PDZD2: variants seen among roughly 807,000 people sequenced by gnomAD.
PDZD2 encodes PDZ domain containing 2, also known as PDZ domain-containing protein 2.
A neutral mutation model predicts 220.7 loss-of-function variants in PDZD2; 90 were observed. The ratio of observed to expected loss-of-function variants is 0.41; its 90% CI spans 0.34 to 0.49. The LOEUF (loss-of-function observed/expected upper bound fraction) is 0.49. PDZD2 is among the 20% of genes least tolerant of loss of function. PDZD2 has a pLI of 0.28. For missense variants in PDZD2, 3,174 were observed against 3,608.5 expected (o/e 0.88, Z 3.08); for synonymous variants, 1,375 against 1,450.5 (o/e 0.95, Z 1.18).
Position 32,098,645 on chromosome 5 carries a change from C to A in PDZD2, c.8218+11C>A. 6.2e-7 allele frequency: 1 copy of A among 1,606,632 alleles called. No homozygotes were observed. Among genetic ancestry groups the A allele is most frequent in the South Asian group, 1.1e-5 (1 of 90,342 alleles). On this transcript the variant is annotated intron_variant, in intron 23 of 24. Coordinates refer to ENST00000438447, the MANE Select transcript of PDZD2 (RefSeq NM_178140.4). The surrounding 1 kb of genome is among the most constrained non-coding windows in gnomAD (Gnocchi z 4.1). ...TGGAGCCTGGCATTGGTAAGATGAT[C>A]ATTTCAACAACCAGCAGGCTGTGAG... is the stretch of plus-strand genomic sequence containing the variant.
At chr5:31,779,058 C>A (rs377205713) in intron 1 of PDZD2, among the ~76,000 whole-genome samples, 13 of 152,080 alleles carry the variant, frequency 8.5e-5, no homozygotes, top group African/African-American at 2.7e-4. Context: ...CTCTCTCTTG[C>A]TTAAAAAAAA....
chr5:31,873,582 A>T (rs939058832), intron 2 of PDZD2, among the ~76,000 whole-genome samples: 1 of 122,524 alleles, frequency 8.2e-6, no homozygotes, highest in Admixed American at 8.2e-5. Context: ...TATTTATTTA[A>T]TAAAGCCAGG....
At chr5:31,867,757 C>T (rs1738361673) in intron 2 of PDZD2, among the ~76,000 whole-genome samples, 2 of 152,054 alleles carry the variant, frequency 1.3e-5, no homozygotes, top group Admixed American at 6.6e-5. Flanking sequence ...ATCCTAGTTA[C>T]TGAGTGTTCC....
intron 2 of PDZD2, among the ~76,000 whole-genome samples, chr5:31,982,238 C>T (rs529014388): frequency 6.6e-6 from 1 of 152,364 alleles, no homozygotes; most frequent in Non-Finnish European, 1.5e-5. Flanking sequence ...GTTACCAAGG[C>T]GTGAGCCTGA....
intron 14 of PDZD2, among the ~76,000 whole-genome samples, chr5:32,063,081 A>G (rs546174809): frequency 1.4e-5 from 2 of 142,952 alleles, no homozygotes; most frequent in South Asian, 2.2e-4. Flanking sequence ...GTCTAGCTCT[A>G]TAGCCCGGGC....
At chr5:31,700,551 C>T (rs573570405) in intron 1 of PDZD2, among the ~76,000 whole-genome samples, 9 of 152,294 alleles carry the variant, frequency 5.9e-5, no homozygotes, top group African/African-American at 1.9e-4. Context: ...CCAGGGTTGC[C>T]GCATTCCCTG....
intron 2 of PDZD2, among the ~76,000 whole-genome samples, chr5:31,891,762 T>A (rs1741065223): frequency 6.6e-6 from 1 of 152,198 alleles, no homozygotes; most frequent in African/African-American, 2.4e-5. Flanking sequence ...CAATACATTT[T>A]AGCCATTGCC....
chr5:31,811,640 A>T (rs1755115217), intron 2 of PDZD2, among the ~76,000 whole-genome samples: 1 of 152,206 alleles, frequency 6.6e-6, no homozygotes, highest in African/African-American at 2.4e-5. Context: ...CTTCACAAAT[A>T]TTCCTGAAAG....
intron 1 of PDZD2, among the ~76,000 whole-genome samples, chr5:31,777,445 C>T (rs537810322): frequency 1.3e-3 from 192 of 152,334 alleles, no homozygotes; most frequent in African/African-American, 4.4e-3. Context: ...CGACGGGCGC[C>T]GCCCCCTGCT....
At chr5:32,072,625 G>A (rs1740866569) in intron 17 of PDZD2, among the ~76,000 whole-genome samples, 1 of 152,166 alleles carries the variant, frequency 6.6e-6, no homozygotes, top group Admixed American at 6.5e-5. Context: ...CAGCTACTTG[G>A]GAGGCTGAGT....
intron 6 of PDZD2, among the ~76,000 whole-genome samples, chr5:32,024,782 C>A (rs1207337977): frequency 2.6e-5 from 4 of 152,040 alleles, no homozygotes; most frequent in Non-Finnish European, 4.4e-5. Context: ...TGAGGAGTTA[C>A]AACTGAAGGA....
At chr5:31,952,265 G>A (rs1252854330) in intron 2 of PDZD2, among the ~76,000 whole-genome samples, 1 of 152,206 alleles carries the variant, frequency 6.6e-6, no homozygotes, top group Non-Finnish European at 1.5e-5. Context: ...AGGTTAGAGT[G>A]GAGAAAGGGA....
chr5:31,694,587 T>C (rs950897144), intron 1 of PDZD2, among the ~76,000 whole-genome samples: 2 of 152,116 alleles, frequency 1.3e-5, no homozygotes, highest in African/African-American at 4.8e-5. Context: ...CACGAGATGC[T>C]GAAGCCTCAG....
chr5:31,723,621 T>C (rs2150149615), intron 1 of PDZD2, among the ~76,000 whole-genome samples: 1 of 152,078 alleles, frequency 6.6e-6, no homozygotes, highest in African/African-American at 2.4e-5. Context: ...TTATTATTAT[T>C]TTTATTATTT....
intron 1 of PDZD2, among the ~76,000 whole-genome samples, chr5:31,770,442 G>A (rs1194076572): frequency 6.6e-6 from 1 of 152,214 alleles, no homozygotes; most frequent in Non-Finnish European, 1.5e-5. Flanking sequence ...TGGAGGGCTT[G>A]TCTGAGGTTG....
At chr5:32,064,195 G>GT (rs373853519) in intron 14 of PDZD2, among the ~76,000 whole-genome samples, 11 of 150,508 alleles carry the variant, frequency 7.3e-5, no homozygotes, top group African/African-American at 2.7e-4. Context: ...TTTTTTGTTT[G>GT]TTTTTGGACG....
Position 31,799,500 on chromosome 5 carries a change from C to A in PDZD2, c.252C>A (p.Gly84=). The change falls in exon 2 of 25, where the codon GGC becomes GGA. Residue 84 remains glycine, a synonymous_variant. Coordinates refer to ENST00000438447, the MANE Select transcript of PDZD2 (RefSeq NM_178140.4). The stretch of plus-strand genomic sequence containing the variant: ...AGCTGGGGGACACAGAGACTGTGGG[C>A]CTGAGTTTTGGGAACATCCCTGTTT... ...TKELGDTETV[G]LSFGNIPVFG... The A allele has an allele frequency of 6.2e-7, 1 of 1,614,138 alleles. No individual in the cohort carries two copies. Among genetic ancestry groups the A allele is most frequent in the Non-Finnish European group, 8.5e-7 (1 of 1,180,026 alleles).
chr5:31,639,791 C>G lies in PDZD2; in HGVS notation c.-361+354C>G, dbSNP rs908797918. ...GCATCCCGGGTCCCCATCCCTGGGC[C>G]GTCTTCTGGTCCCTTCCTCCGACAG... On this transcript the variant is annotated intron_variant, in intron 1 of 24. Coordinates refer to ENST00000438447, the MANE Select transcript of PDZD2 (RefSeq NM_178140.4). The surrounding 1 kb of genome is among the most constrained non-coding windows in gnomAD (Gnocchi z 4.1). Among the ~76,000 whole-genome samples the G allele has an allele frequency of 6.6e-6, 1 of 152,170 alleles. No homozygotes were observed. The highest frequency in any genetic ancestry group is 2.4e-5 in the African/African-American group (1 of 41,450).
intron 4 of PDZD2, among the ~76,000 whole-genome samples, chr5:31,999,803 C>T (rs10461699): frequency 8.6e-5 from 13 of 151,884 alleles, no homozygotes; most frequent in Non-Finnish European, 1.5e-4. Context: ...GATTAAGAAA[C>T]GAATGACTCG....
Sources: gnomAD v4.1 joint callset for allele counts (sites outside exome capture counted in the v4.1 genomes callset) on GRCh38, gnomAD v4.1.1 for gene constraint, Gnocchi (gnomAD v3.1) non-coding constraint, MANE v1.5 for transcripts, NCBI Gene and HGNC (gene_info 2026-07-23, HGNC 2026-07-21) for gene names.